RHCE: variants seen among roughly 807,000 people sequenced by gnomAD.
The protein encoded by RHCE is blood group Rh(CE) polypeptide.
RHCE carries 22 observed loss-of-function variants against 43.8 expected under a neutral mutation model. The observed-to-expected ratio is 0.50, with a 90% CI of 0.36 to 0.72. The LOEUF is 0.72. RHCE is among the 30% of genes least tolerant of loss of function. The pLI is 0.00. For missense variants in RHCE, 385 were observed against 525.4 expected (o/e 0.73, Z 2.61); for synonymous variants, 156 against 210.7 (o/e 0.74, Z 2.25).
upstream of RHCE, among the ~76,000 whole-genome samples, chr1:25,424,700 A>G (rs1557650969): frequency 6.6e-6 from 1 of 151,938 alleles, no homozygotes; most frequent in African/African-American, 2.4e-5. Flanking sequence ...TGATTGCCCT[A>G]TTTAAAAGGA....
upstream of RHCE, among the ~76,000 whole-genome samples, chr1:25,424,588 A>T (rs2042791153): frequency 6.6e-6 from 1 of 151,952 alleles, no homozygotes; most frequent in Non-Finnish European, 1.5e-5. Context: ...GGGTTTCACC[A>T]CATTGGCCTG....
At chr1:25,423,364 C>G (rs974653436), upstream of RHCE, among the ~76,000 whole-genome samples, 1 of 152,192 alleles carries the variant, frequency 6.6e-6, no homozygotes, top group African/African-American at 2.4e-5. Flanking sequence ...CAGATGTCAG[C>G]AAGATGAACA....
At chr1:25,429,176 C>T (rs1350314114) in intron 1 of RHCE, 1 of 148,056 alleles carries the variant, frequency 6.8e-6, no homozygotes, top group Non-Finnish European at 1.5e-5. Flanking sequence ...AGAGAGAGTT[C>T]TGTGAAACCC....
At chr1:25,389,188 G>A (rs1267136542) in intron 5 of RHCE, 75 bp from the exon 6 acceptor site, 37 of 1,506,042 alleles carry the variant, frequency 2.5e-5, no homozygotes, top group Non-Finnish European at 3.0e-5. Flanking sequence ...TGACCAGCAC[G>A]CTGGGAACAA....
Position 25,402,755 on chromosome 1 carries a change from GAGA to G in RHCE, c.336-12_336-10del. The G allele has an allele frequency of 1.2e-6, 2 of 1,614,192 alleles. No homozygotes were observed. The highest frequency in any genetic ancestry group is 1.7e-6 in the Non-Finnish European group (2 of 1,180,016). On this transcript the variant is annotated splice_polypyrimidine_tract_variant and intron_variant, in intron 2 of 9. Transcript: ENST00000294413. ...TGGTGGCCAGCCGAATACTGGGGGT[GAGA>G]AGGAGAGCCAGGATGACTGAGAAGG...
intron 8 of RHCE, among the ~76,000 whole-genome samples, chr1:25,372,062 GACA>G (rs2124313371): frequency 6.6e-6 from 1 of 151,470 alleles, no homozygotes; most frequent in South Asian, 2.1e-4. Flanking sequence ...TGTCTTCTGA[GACA>G]ACATTAAACA....
intron 1 of RHCE, among the ~76,000 whole-genome samples, chr1:25,412,738 A>AT (rs1557640710): frequency 0.013 from 1,973 of 149,798 alleles, 51 homozygotes; most frequent in African/African-American, 0.045. Context: ...AAAAAAAAAA[A>AT]AAAAGGCCGG....
At chr1:25,411,553 A>G in intron 1 of RHCE, 1 of 1,284,522 alleles carries the variant, frequency 7.8e-7, no homozygotes, top group Non-Finnish European at 1.1e-6. Flanking sequence ...GAGACCCCCA[A>G]GGACCTCCAC....
intron 1 of RHCE, among the ~76,000 whole-genome samples, chr1:25,418,906 G>C (rs2042682311): frequency 1.3e-5 from 2 of 152,142 alleles, no homozygotes; most frequent in Admixed American, 6.5e-5. Context: ...TAAAGAACAT[G>C]GACCCTAGAG....
intron 8 of RHCE, among the ~76,000 whole-genome samples, chr1:25,371,047 C>T (rs1645596094): frequency 6.7e-6 from 1 of 149,784 alleles, no homozygotes; most frequent in Non-Finnish European, 1.5e-5. Flanking sequence ...TAAGCCACCA[C>T]ACCCGGCCGA....
chr1:25,414,271 T>C lies in RHCE; in HGVS notation c.149-5402A>G, dbSNP rs687719. ...GCTGCCTCCTCCGGTCAGCTGCCTC[T>C]GTGATTCTGGATCTGCACCCCCTCC... On this transcript the variant is annotated intron_variant, in intron 1 of 9. Transcript: ENST00000294413. Among the ~76,000 whole-genome samples the C allele has an allele frequency of 2.8e-3, 432 of 152,090 alleles. 1 individual carries two copies. Among genetic ancestry groups the C allele is most frequent in the Non-Finnish European group, 5.1e-3 (345 of 67,960 alleles).
intron 1 of RHCE, among the ~76,000 whole-genome samples, chr1:25,416,556 C>G (rs997208975): frequency 7.9e-5 from 12 of 152,296 alleles, no homozygotes; most frequent in Admixed American, 3.9e-4. Flanking sequence ...AGCCACCGCA[C>G]CCAGCCTTTA....
chr1:25,389,568 C>G (rs1646292285), intron 5 of RHCE, among the ~76,000 whole-genome samples: 1 of 152,182 alleles, frequency 6.6e-6, no homozygotes, highest in African/African-American at 2.4e-5. Context: ...GCCACTGCAC[C>G]TGGCCTAGAA....
intron 1 of RHCE, among the ~76,000 whole-genome samples, chr1:25,411,055 G>C (rs891736128): frequency 1.3e-5 from 2 of 151,922 alleles, no homozygotes; most frequent in African/African-American, 4.8e-5. Flanking sequence ...CCGCACCACT[G>C]CACTCCAGCC....
At position 25,389,119 on chromosome 1, in the gene RHCE, A is replaced by G; in HGVS notation, c.802-6T>C. 6.2e-7 allele frequency: 1 copy of G among 1,613,866 alleles called. No homozygotes were observed. The highest frequency in any genetic ancestry group is 8.5e-7 in the Non-Finnish European group (1 of 1,179,762). ...ACCGCACTGTGCACATAAGTCTGCAAAGAAATAGCGTGTGGGTAAAGGAAG... is the reference window on the plus strand; with the variant it reads ...ACCGCACTGTGCACATAAGTCTGCAGAGAAATAGCGTGTGGGTAAAGGAAG... On this transcript the variant is annotated splice_region_variant and splice_polypyrimidine_tract_variant and intron_variant, in intron 5 of 9. Coordinates refer to ENST00000294413, the MANE Select transcript of RHCE (RefSeq NM_020485.8).
intron 5 of RHCE, among the ~76,000 whole-genome samples, chr1:25,390,547 G>A (rs1332324633): frequency 6.6e-6 from 1 of 152,190 alleles, no homozygotes; most frequent in East Asian, 1.9e-4. Context: ...GAAAGCCTTT[G>A]ATCACTGGAC....
chr1:25,410,984 C>CG (rs942767798), intron 1 of RHCE, among the ~76,000 whole-genome samples: 1 of 151,842 alleles, frequency 6.6e-6, no homozygotes, highest in Non-Finnish European at 1.5e-5. Flanking sequence ...CCCAGCTACT[C>CG]GGGAGGCTGA....
intron 1 of RHCE, among the ~76,000 whole-genome samples, chr1:25,412,304 G>C (rs1330684551): frequency 6.6e-6 from 1 of 152,170 alleles, no homozygotes; most frequent in Admixed American, 6.5e-5. Flanking sequence ...GTAACACATA[G>C]GAGTTGGACT....
intron 7 of RHCE, among the ~76,000 whole-genome samples, chr1:25,378,046 A>G (rs1238896508): frequency 6.6e-6 from 1 of 152,242 alleles, no homozygotes; most frequent in Admixed American, 6.5e-5. Context: ...TTCACAAGAA[A>G]AGATATTCAA....
Sources: allele counts gnomAD v4.1 joint callset (sites outside exome capture counted in the v4.1 genomes callset), GRCh38; gene constraint gnomAD v4.1.1; transcripts MANE v1.5; gene names NCBI Gene and HGNC (gene_info 2026-07-23, HGNC 2026-07-21).